The following CCDC171 variants were observed in gnomAD, a reference collection of about 807,000 sequenced individuals.
The protein encoded by CCDC171 is coiled-coil domain-containing protein 171.
A neutral mutation model predicts 168.2 loss-of-function variants in CCDC171; 177 were observed. The ratio of observed to expected loss-of-function variants is 1.05; its 90% CI spans 0.93 to 1.19. The LOEUF is 1.19. Among genes scored for constraint, CCDC171 ranks in the 50% most tolerant of loss-of-function variants. CCDC171 has a pLI of 0.00. For missense variants in CCDC171, 1,991 were observed against 1,539.0 expected, an observed-to-expected ratio of 1.29 and a Z score of -4.91; for synonymous variants, 687 against 540.8, an observed-to-expected ratio of 1.27 and a Z score of -3.75.
At chr9:15,735,173 G>A (rs961208771) in intron 16 of CCDC171, among the ~76,000 whole-genome samples, 2 of 152,176 alleles carry the variant, frequency 1.3e-5, no homozygotes, top group Admixed American at 6.5e-5. Flanking sequence ...AGAGAAGGCA[G>A]ACTGGTTTTA....
In CCDC171 at chr9:15,820,506, A is replaced by C. The variant is rs2059726430; in HGVS notation, c.3268-26196A>C. On this transcript the variant is annotated intron_variant, in intron 21 of 25. Transcript: ENST00000380701. ...TGCAATAAAAAATGATAAAGGGGAT[A>C]TCACCACCGATCCCACAGAAATACA... Among the ~76,000 whole-genome samples, 2 of 117,256 alleles carry C rather than the reference A, an allele frequency of 1.7e-5. 1 individual carries two copies. Among genetic ancestry groups the C allele is most frequent in the Non-Finnish European group, 3.8e-5 (2 of 52,294 alleles). The allele number at this position is 117,256 out of a possible 152,430, so 76.9% of individuals were successfully genotyped here.
intron 3 of CCDC171, among the ~76,000 whole-genome samples, chr9:16,013,402 T>C (rs940630478): frequency 1.3e-5 from 2 of 152,014 alleles, no homozygotes; most frequent in Non-Finnish European, 1.5e-5. Context: ...ATTGTGCTGC[T>C]CAAAATTCTT....
chr9:15,605,544 G>A (rs990029937), intron 6 of CCDC171, among the ~76,000 whole-genome samples: 39 of 146,788 alleles, frequency 2.7e-4, no homozygotes, highest in African/African-American at 8.6e-4. Flanking sequence ...AAAATTAGCC[G>A]GGAGTAGTGG....
intron 6 of CCDC171, among the ~76,000 whole-genome samples, chr9:16,029,258 A>G (rs1833327955): frequency 6.6e-6 from 1 of 152,098 alleles, no homozygotes; most frequent in South Asian, 2.1e-4. Context: ...TGCATAATAC[A>G]TTTTAAAATG....
At chr9:15,836,003 C>T (rs1331009364) in intron 21 of CCDC171, among the ~76,000 whole-genome samples, 1 of 152,060 alleles carries the variant, frequency 6.6e-6, no homozygotes, top group Non-Finnish European at 1.5e-5. Context: ...TACATACTCA[C>T]CTAAGTCTCA....
chr9:16,023,703 CT>C (rs928112381), intron 6 of CCDC171, among the ~76,000 whole-genome samples: 8 of 151,628 alleles, frequency 5.3e-5, no homozygotes, highest in East Asian at 1.9e-4. Context: ...GCTTATTCAA[CT>C]TTTTTTTTGC....
the CCDC171 span, among the ~76,000 whole-genome samples, chr9:16,068,953 C>G: frequency 1.2e-4 from 18 of 152,280 alleles, no homozygotes; most frequent in African/African-American, 4.3e-4. Context: ...AAAGGTCTGG[C>G]AGAAGTTAAC....
At chr9:15,568,836 C>G (rs1206460441) in intron 2 of CCDC171, among the ~76,000 whole-genome samples, 1 of 151,372 alleles carries the variant, frequency 6.6e-6, no homozygotes, top group African/African-American at 2.4e-5. Context: ...AATTTTTTTT[C>G]CCATTCTCTA....
At chr9:15,924,094 A>AT (rs1272924160) in intron 25 of CCDC171, among the ~76,000 whole-genome samples, 2 of 151,446 alleles carry the variant, frequency 1.3e-5, no homozygotes, top group African/African-American at 4.8e-5. Context: ...TATATTTAAT[A>AT]TTTATATATT....
intron 25 of CCDC171, among the ~76,000 whole-genome samples, chr9:15,952,942 A>G (rs533987656): frequency 1.3e-5 from 2 of 152,026 alleles, no homozygotes; most frequent in East Asian, 1.9e-4. Context: ...TTTTGATGCT[A>G]TTTAAATGGA....
At chr9:15,681,890 G>A (rs954004905) in intron 10 of CCDC171, among the ~76,000 whole-genome samples, 1 of 152,006 alleles carries the variant, frequency 6.6e-6, no homozygotes. Context: ...TTAATGACAT[G>A]CCATGATTTT....
intron 7 of CCDC171, among the ~76,000 whole-genome samples, chr9:15,633,238 C>G (rs1290598458): frequency 6.6e-6 from 1 of 152,114 alleles, no homozygotes; most frequent in South Asian, 2.1e-4. Context: ...AACAGGCAAC[C>G]TACACAATGG....
intron 6 of CCDC171, among the ~76,000 whole-genome samples, chr9:16,027,661 G>A (rs1368323544): frequency 6.6e-6 from 1 of 152,162 alleles, no homozygotes; most frequent in Non-Finnish European, 1.5e-5. Context: ...CGCCAAGCCT[G>A]GTGCACGGCA....
upstream of CCDC171, among the ~76,000 whole-genome samples, chr9:16,038,911 A>G (rs867389766): frequency 6.6e-6 from 1 of 151,070 alleles, no homozygotes; most frequent in Non-Finnish European, 1.5e-5. Context: ...CTTATGCCAG[A>G]CTAAAGGGCG....
At chr9:15,833,104 C>A (rs2060302549) in intron 21 of CCDC171, among the ~76,000 whole-genome samples, 1 of 151,590 alleles carries the variant, frequency 6.6e-6, no homozygotes, top group Non-Finnish European at 1.5e-5. Context: ...TCTCCTGCCT[C>A]AGCCTCCTGA....
intron 1 of CCDC171, among the ~76,000 whole-genome samples, chr9:16,053,969 C>G (rs936746714): frequency 1.3e-5 from 2 of 152,272 alleles, no homozygotes; most frequent in Non-Finnish European, 2.9e-5. Flanking sequence ...CTGAGCCAGT[C>G]TTTGTCAAAG....
chr9:15,998,598 G>A (rs1832441006), intron 3 of CCDC171, among the ~76,000 whole-genome samples: 1 of 152,100 alleles, frequency 6.6e-6, no homozygotes, highest in African/African-American at 2.4e-5. Flanking sequence ...ATAGCCAATT[G>A]GTCTTTCACT....
At chr9:15,829,714 G>A (rs1291535665) in intron 21 of CCDC171, among the ~76,000 whole-genome samples, 3 of 152,120 alleles carry the variant, frequency 2.0e-5, no homozygotes, top group Non-Finnish European at 4.4e-5. Context: ...GAGCCCAGGA[G>A]TTAAAGACCA....
At chr9:15,994,872 A>T (rs1316466718) in intron 3 of CCDC171, among the ~76,000 whole-genome samples, 1 of 152,058 alleles carries the variant, frequency 6.6e-6, no homozygotes, top group East Asian at 1.9e-4. Flanking sequence ...ATACTGATGG[A>T]CTCTGATGGA....
Sources: gnomAD v4.1 joint callset for allele counts (sites outside exome capture counted in the v4.1 genomes callset) on GRCh38, gnomAD v4.1.1 for gene constraint, MANE v1.5 for transcripts, NCBI Gene and HGNC (gene_info 2026-07-23, HGNC 2026-07-21) for gene names.